IMMP2L: variants seen among roughly 807,000 people sequenced by gnomAD.
IMMP2L encodes the protein inner mitochondrial membrane peptidase subunit 2.
Under a neutral mutation model 19.3 loss-of-function variants are expected in IMMP2L, and 18 were observed. The ratio of observed to expected loss-of-function variants is 0.93; its 90% CI spans 0.64 to 1.38. The LOEUF (loss-of-function observed/expected upper bound fraction) is 1.38, where lower values mean the gene tolerates loss of function less well. Ranked by LOEUF, IMMP2L falls within the 40% of genes most tolerant of loss-of-function variation. IMMP2L has a pLI of 0.00. For synonymous variants in IMMP2L, 76 were observed against 73.0 expected, an observed-to-expected ratio of 1.04 and a Z score of -0.21; for missense variants, 233 against 218.2, an observed-to-expected ratio of 1.07 and a Z score of -0.43.
At chr7:111,371,479 A>AT (rs955001892) in intron 3 of IMMP2L, among the ~76,000 whole-genome samples, 1 of 152,032 alleles carries the variant, frequency 6.6e-6, no homozygotes, top group Non-Finnish European at 1.5e-5. Context: ...GGGTCACAAG[A>AT]TTTTTAAAAA....
intron 3 of IMMP2L, among the ~76,000 whole-genome samples, chr7:111,059,603 T>G (rs1455335185): frequency 6.6e-6 from 1 of 152,210 alleles, no homozygotes; most frequent in Non-Finnish European, 1.5e-5. Flanking sequence ...AAATAGTGGC[T>G]AAAACATATA....
chr7:111,065,989 T>A (rs1195355192), intron 3 of IMMP2L, among the ~76,000 whole-genome samples: 3 of 107,476 alleles, frequency 2.8e-5, no homozygotes, highest in East Asian at 2.7e-4. Flanking sequence ...GGCTGTAATT[T>A]TTTTTTTTTT....
At chr7:111,038,146 A>C (rs1397906678) in intron 3 of IMMP2L, among the ~76,000 whole-genome samples, 2 of 152,186 alleles carry the variant, frequency 1.3e-5, no homozygotes, top group Non-Finnish European at 2.9e-5. Flanking sequence ...GCATATCCTA[A>C]CTTAAGAGGA....
intron 3 of IMMP2L, among the ~76,000 whole-genome samples, chr7:111,480,292 G>C (rs925053425): frequency 6.6e-6 from 1 of 151,682 alleles, no homozygotes; most frequent in Non-Finnish European, 1.5e-5. Flanking sequence ...ACCGTAGCCA[G>C]GATGGTCTCC....
At chr7:111,399,516 G>A (rs1418099040) in intron 3 of IMMP2L, among the ~76,000 whole-genome samples, 1 of 151,844 alleles carries the variant, frequency 6.6e-6, no homozygotes, top group African/African-American at 2.4e-5. Flanking sequence ...CACCATGCCT[G>A]CCTAATTTTT....
At position 110,840,922 on chromosome 7, in the gene IMMP2L, T is replaced by C. The variant is rs17158024; in HGVS notation, c.408+45671A>G. 8.1e-3 allele frequency among the ~76,000 whole-genome samples: 1,227 copies of C among 152,148 alleles called. 12 individuals carry two copies. Among genetic ancestry groups the C allele is most frequent in the African/African-American group, 0.027 (1,140 of 41,552 alleles). Reference sequence around the variant, plus strand: ...ACTATTAATTATACATTTTGGCAATTTGGTAGGGATAAACTCAATTTTGGT... The same window carrying C: ...ACTATTAATTATACATTTTGGCAATCTGGTAGGGATAAACTCAATTTTGGT... On this transcript the variant is annotated intron_variant, in intron 5 of 5. Coordinates refer to ENST00000405709, the MANE Select transcript of IMMP2L (RefSeq NM_032549.4).
At position 110,758,066 on chromosome 7, in the gene IMMP2L, C is replaced by T. The variant is rs962122496; in HGVS notation, c.409-94345G>A. On this transcript the variant is annotated intron_variant, in intron 5 of 5. Coordinates refer to ENST00000405709, the MANE Select transcript of IMMP2L (RefSeq NM_032549.4). This position sits in a 1 kb window ranked among gnomAD's most constrained non-coding sequence, Gnocchi z 4.6. Reference sequence around the variant, plus strand: ...GAAGAAAAACTAGAAGAATATGTTGCCCTAGGAGTTAGGGAAGAAAATGTT... The same window carrying T: ...GAAGAAAAACTAGAAGAATATGTTGTCCTAGGAGTTAGGGAAGAAAATGTT... Among the ~76,000 whole-genome samples the T allele has an allele frequency of 1.3e-5, 2 of 151,922 alleles. No individual in the cohort carries two copies. The highest frequency in any genetic ancestry group is 2.9e-5 in the Non-Finnish European group (2 of 68,002).
At chr7:111,232,938 G>C (rs1326218229) in intron 3 of IMMP2L, among the ~76,000 whole-genome samples, 1 of 152,038 alleles carries the variant, frequency 6.6e-6, no homozygotes, top group Non-Finnish European at 1.5e-5. Flanking sequence ...TCCTCAGGCA[G>C]CATTAATACT....
intron 3 of IMMP2L, among the ~76,000 whole-genome samples, chr7:111,096,092 A>G (rs1018129671): frequency 6.6e-6 from 1 of 152,066 alleles, no homozygotes; most frequent in Non-Finnish European, 1.5e-5. Context: ...GATACAAAAT[A>G]TAAACACAAT....
chr7:111,288,113 C>T (rs1254286064), intron 3 of IMMP2L, among the ~76,000 whole-genome samples: 1 of 151,966 alleles, frequency 6.6e-6, no homozygotes, highest in Non-Finnish European at 1.5e-5. Context: ...GTTTCCAATG[C>T]ACTAAGATAT....
At chr7:110,955,323 T>G (rs1265327816) in intron 4 of IMMP2L, among the ~76,000 whole-genome samples, 1 of 151,892 alleles carries the variant, frequency 6.6e-6, no homozygotes, top group East Asian at 1.9e-4. Flanking sequence ...AAGGAAAAAT[T>G]ATAATTCTTT....
rs1166780072 is a variant in IMMP2L, at chr7:111,174,587, T to C, written c.240-211022A>G. Among the ~76,000 whole-genome samples, 3 of 151,808 alleles carry C rather than the reference T, an allele frequency of 2.0e-5. No individual in the cohort carries two copies. In the East Asian group the frequency reaches 5.8e-4, roughly 29 times the overall value. On this transcript the variant is annotated intron_variant, in intron 3 of 5. Coordinates refer to ENST00000405709, the MANE Select transcript of IMMP2L (RefSeq NM_032549.4). ...CTTGTTTGCTTATTCTTAAATTTCA[T>C]GATTACATTCTCCCTGCTTCAAAAA... is the stretch of plus-strand genomic sequence containing the variant.
intron 4 of IMMP2L, among the ~76,000 whole-genome samples, chr7:110,953,989 C>T (rs1007248800): frequency 1.3e-5 from 2 of 152,064 alleles, no homozygotes; most frequent in African/African-American, 4.8e-5. Context: ...CTGTTCATAT[C>T]CTTCGCCCAC....
chr7:111,125,441 T>A (rs1382108876), intron 3 of IMMP2L: 1 of 167,118 alleles, frequency 6.0e-6, no homozygotes. Flanking sequence ...AAATAAAGAA[T>A]AATTTCTGGG....
intron 3 of IMMP2L, among the ~76,000 whole-genome samples, chr7:111,252,432 G>A (rs899672896): frequency 2.0e-5 from 3 of 152,062 alleles, no homozygotes; most frequent in African/African-American, 4.8e-5. Context: ...AAATTATTAT[G>A]GCAGATAAAC....
In IMMP2L at chr7:110,760,101, C is replaced by T. The variant is rs1270885823; in HGVS notation, c.409-96380G>A. The stretch of plus-strand genomic sequence containing the variant: ...TGTGCTTTGTCATCACAAAAGAAAA[C>T]CGTTTTATTTTTCTAATTATTATCT... On this transcript the variant is annotated intron_variant, in intron 5 of 5. Coordinates refer to ENST00000405709, the MANE Select transcript of IMMP2L (RefSeq NM_032549.4). This position sits in a 1 kb window ranked among gnomAD's most constrained non-coding sequence, Gnocchi z 4.2. 1.3e-5 allele frequency among the ~76,000 whole-genome samples: 2 copies of T among 152,000 alleles called. No homozygotes were observed. The highest frequency in any genetic ancestry group is 1.5e-5 in the Non-Finnish European group (1 of 67,994).
chr7:110,915,573 T>C (rs1254106350), intron 4 of IMMP2L, among the ~76,000 whole-genome samples: 1 of 152,168 alleles, frequency 6.6e-6, no homozygotes, highest in Non-Finnish European at 1.5e-5. Context: ...AATACTTGTA[T>C]TGCTTACTTG....
At chr7:110,991,907 C>G (rs918044146) in intron 3 of IMMP2L, among the ~76,000 whole-genome samples, 2 of 152,152 alleles carry the variant, frequency 1.3e-5, no homozygotes, top group African/African-American at 4.8e-5. Flanking sequence ...CTCCTCTTTG[C>G]TTTCACTTAG....
intron 3 of IMMP2L, among the ~76,000 whole-genome samples, chr7:111,289,188 T>A (rs1202566663): frequency 6.6e-6 from 1 of 151,502 alleles, no homozygotes; most frequent in Non-Finnish European, 1.5e-5. Context: ...AAACACCACA[T>A]GTTCTCACTC....
Sources: gnomAD v4.1 joint callset for allele counts (sites outside exome capture counted in the v4.1 genomes callset) on GRCh38, gnomAD v4.1.1 for gene constraint, Gnocchi (gnomAD v3.1) non-coding constraint, MANE v1.5 for transcripts, NCBI Gene and HGNC (gene_info 2026-07-23, HGNC 2026-07-21) for gene names.